MACO1: variants seen among roughly 807,000 people sequenced by gnomAD.
The protein encoded by MACO1 is macoilin.
A neutral mutation model predicts 78.7 loss-of-function variants in MACO1; 14 were observed. The observed-to-expected ratio is 0.18, with a 90% CI of 0.12 to 0.28. The LOEUF is 0.28. Ranked by LOEUF, MACO1 falls within the 10% of genes least tolerant of loss-of-function variation. The probability of loss-of-function intolerance (pLI) is 1.00; values close to 1 mark genes in which losing one functional copy is unlikely to be tolerated. For missense variants in MACO1, 501 were observed against 799.0 expected (o/e 0.63, Z 4.50); for synonymous variants, 288 against 291.6 (o/e 0.99, Z 0.12).
rs184575043 is a variant in MACO1, at chr1:25,469,562, A to G, written c.1154+10670A>G. ...AAATGTGGCTTGACTAGGAATTCAC[A>G]GACTTTCATACTTCTGAATTTAACC... On this transcript the variant is annotated intron_variant, in intron 6 of 10. Transcript: ENST00000374343. Among the ~76,000 whole-genome samples, 285 of 152,086 alleles carry G rather than the reference A, an allele frequency of 1.9e-3. 2 individuals carry two copies. Among genetic ancestry groups the G allele is most frequent in the Middle Eastern group, 3.4e-3 (1 of 294 alleles).
At chr1:25,492,367 GGTCTC>G (rs2043493956) in intron 10 of MACO1, among the ~76,000 whole-genome samples, 1 of 152,120 alleles carries the variant, frequency 6.6e-6, no homozygotes, top group African/African-American at 2.4e-5. Context: ...ATGTGGCAGG[GGTCTC>G]CCTTTTTAAC....
intron 1 of MACO1, among the ~76,000 whole-genome samples, chr1:25,437,180 G>A (rs1031974879): frequency 2.0e-5 from 3 of 150,730 alleles, no homozygotes; most frequent in Non-Finnish European, 4.4e-5. Flanking sequence ...TGTCGCCCAG[G>A]CTGGAGTCCA....
intron 6 of MACO1, among the ~76,000 whole-genome samples, chr1:25,470,656 G>A (rs1029574166): frequency 2.6e-4 from 39 of 152,280 alleles, no homozygotes; most frequent in African/African-American, 7.5e-4. Flanking sequence ...GTAATTAAAG[G>A]AACCCAAGAT....
chr1:25,467,088 GTC>G (rs1454758611), intron 6 of MACO1, among the ~76,000 whole-genome samples: 4 of 151,998 alleles, frequency 2.6e-5, no homozygotes, highest in African/African-American at 9.7e-5. Flanking sequence ...GTGAAACCTT[GTC>G]TCTGCTAAAA....
At position 25,456,867 on chromosome 1, in the gene MACO1, C is replaced by G. The variant is rs200365806; in HGVS notation, c.652+36C>G. On this transcript the variant is annotated intron_variant, in intron 5 of 10. Coordinates refer to ENST00000374343, the MANE Select transcript of MACO1 (RefSeq NM_018202.6). ...ACCCTAAAGCTGTTGGCTCAATAGGCTAGTCATTATTTTGTCTCTTGGTAG... is the reference window on the plus strand; with the variant it reads ...ACCCTAAAGCTGTTGGCTCAATAGGGTAGTCATTATTTTGTCTCTTGGTAG... The G allele has an allele frequency of 2.6e-4, 401 of 1,542,610 alleles. 2 individuals are homozygous for G. The African/African-American group carries it at 4.7e-3, about 18-fold the overall frequency.
chr1:25,491,774 A>AT (rs1485241610), intron 10 of MACO1, among the ~76,000 whole-genome samples, 190 bp downstream of exon 10: 1 of 152,242 alleles, frequency 6.6e-6, no homozygotes, highest in Non-Finnish European at 1.5e-5. Flanking sequence ...TTGAGATGAG[A>AT]ACATGTCAAG....
At chr1:25,435,720 T>G (rs139974094) in intron 1 of MACO1, among the ~76,000 whole-genome samples, 1 of 152,340 alleles carries the variant, frequency 6.6e-6, no homozygotes, top group East Asian at 1.9e-4. Context: ...ACTTTAACAA[T>G]CCTGGACCTG....
intron 2 of MACO1, among the ~76,000 whole-genome samples, chr1:25,447,707 CATCTTAGTATTGTTATGAAA>C (rs1268770646): frequency 6.6e-6 from 1 of 152,144 alleles, no homozygotes; most frequent in Non-Finnish European, 1.5e-5. Flanking sequence ...AGGCAGATAA[CATCTTAGTATTGTTATGAAA>C]ATAGTTTTAA....
intron 1 of MACO1, among the ~76,000 whole-genome samples, chr1:25,446,201 TTCTG>T (rs988387830): frequency 3.3e-5 from 5 of 152,222 alleles, no homozygotes; most frequent in African/African-American, 4.8e-5. Flanking sequence ...CTAAGTTTGT[TTCTG>T]TCTATTTGGG....
At chr1:25,489,886 T>C (rs533932079) in intron 9 of MACO1, among the ~76,000 whole-genome samples, 1 of 151,884 alleles carries the variant, frequency 6.6e-6, no homozygotes, top group East Asian at 1.9e-4. Context: ...TGGAGTACAG[T>C]ACCGAAAAAA....
chr1:25,450,329 C>T (rs1424294331), intron 3 of MACO1, among the ~76,000 whole-genome samples: 1 of 152,154 alleles, frequency 6.6e-6, no homozygotes, highest in Non-Finnish European at 1.5e-5. Flanking sequence ...GTAGAGCTCC[C>T]TACTTCTTAG....
intron 6 of MACO1, among the ~76,000 whole-genome samples, chr1:25,463,246 A>G (rs1355011087): frequency 1.3e-5 from 2 of 152,196 alleles, no homozygotes; most frequent in Non-Finnish European, 2.9e-5. Flanking sequence ...AACTGGGTGA[A>G]TGGAAGAAGC....
At chr1:25,460,807 TGTG>T (rs760623281) in intron 6 of MACO1, among the ~76,000 whole-genome samples, 3 of 152,136 alleles carry the variant, frequency 2.0e-5, no homozygotes, top group Non-Finnish European at 4.4e-5. Flanking sequence ...TGCTGCTTCT[TGTG>T]GTCACTAATG....
At chr1:25,454,016 A>T (rs1216785270) in intron 3 of MACO1, among the ~76,000 whole-genome samples, 2 of 152,124 alleles carry the variant, frequency 1.3e-5, no homozygotes. Context: ...CAGGGCTATG[A>T]ATCCTTTGTT....
chr1:25,460,258 A>G (rs1408834143), intron 6 of MACO1, among the ~76,000 whole-genome samples: 1 of 152,148 alleles, frequency 6.6e-6, no homozygotes, highest in East Asian at 1.9e-4. Flanking sequence ...CAGCAGAAAA[A>G]ACACGTGGAA....
chr1:25,482,504 G>C (rs1432512716), intron 6 of MACO1, among the ~76,000 whole-genome samples: 3 of 152,256 alleles, frequency 2.0e-5, no homozygotes, highest in East Asian at 1.9e-4. Flanking sequence ...GTCTATGGCT[G>C]TTCCTGCCTT....
In MACO1 at chr1:25,484,352, A is replaced by G. The variant is rs569910754; in HGVS notation, c.1313+78A>G. ...TCCTGTTGCCAGGGGTTGGAGCACA[A>G]GATTTATGGTGACAGAGACCTGCTG... On this transcript the variant is annotated intron_variant, in intron 7 of 10. Transcript: ENST00000374343. The G allele has an allele frequency of 5.4e-5, 77 of 1,437,642 alleles. No homozygotes were observed. The African/African-American group carries it at 1.1e-3, about 20-fold the overall frequency. 89.1% of individuals were successfully genotyped at this position (1,437,642 alleles called of 1,614,324 possible). A position where few individuals can be genotyped will look rare whatever the true frequency, so the allele number is the denominator to read the frequency against.
At chr1:25,468,890 C>G (rs1297500962) in intron 6 of MACO1, among the ~76,000 whole-genome samples, 1 of 152,124 alleles carries the variant, frequency 6.6e-6, no homozygotes, top group African/African-American at 2.4e-5. Context: ...ACTCTGTCGC[C>G]CAGGCTGAAG....
intron 6 of MACO1, among the ~76,000 whole-genome samples, chr1:25,469,201 C>G (rs2043245656): frequency 6.6e-6 from 1 of 152,056 alleles, no homozygotes; most frequent in Non-Finnish European, 1.5e-5. Context: ...AAATCTGAAT[C>G]TAGAGAAATA....
Sources: gnomAD v4.1 joint callset for allele counts (sites outside exome capture counted in the v4.1 genomes callset) on GRCh38, gnomAD v4.1.1 for gene constraint, MANE v1.5 for transcripts, NCBI Gene and HGNC (gene_info 2026-07-23, HGNC 2026-07-21) for gene names.